Variants in CALCR observed in about 807,000 individuals in gnomAD.
CALCR encodes calcitonin receptor.
A neutral mutation model predicts 59.5 loss-of-function variants in CALCR; 47 were observed. That is an observed-to-expected ratio of 0.79 (90% confidence interval 0.63 to 1.01). CALCR has a LOEUF of 1.01. Among genes scored for constraint, CALCR ranks in the 50% least tolerant of loss-of-function variants. The pLI, the probability that CALCR is intolerant of heterozygous loss-of-function variation, is 0.00. For synonymous variants in CALCR, 213 were observed against 211.3 expected (o/e 1.01, Z -0.07); for missense variants, 566 against 597.1 (o/e 0.95, Z 0.54).
intron 8 of CALCR, among the ~76,000 whole-genome samples, chr7:93,445,258 T>C (rs1434161666): frequency 6.6e-6 from 1 of 152,148 alleles, no homozygotes; most frequent in Non-Finnish European, 1.5e-5. Flanking sequence ...GTTAGTTTTG[T>C]ATTTTCTAAG....
chr7:93,430,181 C>T (rs1408973504), intron 13 of CALCR, among the ~76,000 whole-genome samples: 2 of 152,012 alleles, frequency 1.3e-5, no homozygotes, highest in East Asian at 1.9e-4. Context: ...GTGATCCAGC[C>T]GCCTTGGCCT....
Position 93,515,883 on chromosome 7 carries a change from A to G in CALCR, c.-26-28876T>C, listed in dbSNP as rs192464535. Among the ~76,000 whole-genome samples, 602 of 152,096 alleles carry G rather than the reference A, an allele frequency of 4.0e-3. 4 individuals are homozygous for G. The highest frequency in any genetic ancestry group is 0.027 in the Middle Eastern group (8 of 294). On this transcript the variant is annotated intron_variant, in intron 2 of 13. Transcript: ENST00000426151. ...ATTTTGCTTTTATCTCTTTATTTTT[A>G]TTTCAATGTTTCCACAAGACTGATA...
intron 2 of CALCR, among the ~76,000 whole-genome samples, chr7:93,513,063 A>G (rs1801580478): frequency 6.6e-6 from 1 of 152,194 alleles, no homozygotes; most frequent in South Asian, 2.1e-4. Context: ...TTGCCCAAAT[A>G]CAGACACAGA....
chr7:93,463,342 T>C (rs1800377796), intron 7 of CALCR, among the ~76,000 whole-genome samples: 2 of 151,808 alleles, frequency 1.3e-5, no homozygotes, highest in African/African-American at 4.8e-5. Flanking sequence ...ACAGAGAAAA[T>C]GATAGTTTAA....
chr7:93,478,873 G>A (rs1452892444), intron 4 of CALCR, among the ~76,000 whole-genome samples: 1 of 151,744 alleles, frequency 6.6e-6, no homozygotes, highest in African/African-American at 2.4e-5. Flanking sequence ...CTGGCTAGGA[G>A]GTACCTTTTT....
intron 2 of CALCR, among the ~76,000 whole-genome samples, chr7:93,539,726 G>C (rs574262879): frequency 6.6e-6 from 1 of 152,250 alleles, no homozygotes; most frequent in East Asian, 1.9e-4. Context: ...AATGGGGAAA[G>C]GCAGAGCATT....
chr7:93,436,835 C>T lies in CALCR; in HGVS notation c.931-665G>A, dbSNP rs1274605640. Among the ~76,000 whole-genome samples the T allele has an allele frequency of 2.0e-5, 3 of 152,214 alleles. No individual in the cohort carries two copies. In the East Asian group the frequency reaches 5.8e-4, roughly 29 times the overall value. On this transcript the variant is annotated intron_variant, in intron 11 of 13. Transcript: ENST00000426151. ...GGAAGGAATCAGAATTTACTTTTTC[C>T]CCACACATATGCAGTTGCTAAATAC... is the stretch of plus-strand genomic sequence containing the variant.
intron 7 of CALCR, among the ~76,000 whole-genome samples, chr7:93,461,449 C>T (rs1800334915): frequency 1.3e-5 from 2 of 152,100 alleles, no homozygotes; most frequent in Non-Finnish European, 2.9e-5. Flanking sequence ...CTCCTGGCAT[C>T]CTCCTCTTCC....
intron 9 of CALCR, among the ~76,000 whole-genome samples, chr7:93,438,959 C>T (rs963331234): frequency 1.3e-5 from 2 of 151,422 alleles, no homozygotes; most frequent in African/African-American, 2.4e-5. Flanking sequence ...TATTGCAATA[C>T]GTCCTTCCAG....
intron 2 of CALCR, among the ~76,000 whole-genome samples, chr7:93,535,787 A>AC (rs1788969487): frequency 6.6e-6 from 1 of 151,740 alleles, no homozygotes; most frequent in African/African-American, 2.4e-5. Flanking sequence ...AGAGATGGTG[A>AC]TGACTTCTGT....
At chr7:93,439,462 T>C (rs529367656) in intron 9 of CALCR, among the ~76,000 whole-genome samples, 1 of 152,252 alleles carries the variant, frequency 6.6e-6, no homozygotes, top group Admixed American at 6.5e-5. Context: ...GAAAACTGAA[T>C]CCCACCTCAT....
intron 2 of CALCR, among the ~76,000 whole-genome samples, chr7:93,545,770 C>G (rs1009231791): frequency 1.2e-4 from 18 of 152,158 alleles, no homozygotes; most frequent in African/African-American, 3.9e-4. Context: ...ATGGGATCGA[C>G]CTCATATCAC....
chr7:93,510,767 C>A (rs984068973), intron 2 of CALCR, among the ~76,000 whole-genome samples: 1 of 151,872 alleles, frequency 6.6e-6, no homozygotes, highest in East Asian at 1.9e-4. Flanking sequence ...GAGGCCAAGG[C>A]GGGAGGATTG....
At chr7:93,528,712 C>T (rs550405587) in intron 2 of CALCR, among the ~76,000 whole-genome samples, 1 of 152,056 alleles carries the variant, frequency 6.6e-6, no homozygotes, top group Non-Finnish European at 1.5e-5. Flanking sequence ...ATCATGTAGC[C>T]TTTAAAGAAT....
chr7:93,493,333 C>G (rs1485930981), intron 2 of CALCR, among the ~76,000 whole-genome samples: 1 of 151,374 alleles, frequency 6.6e-6, no homozygotes, highest in East Asian at 1.9e-4. Flanking sequence ...TCTTGCATTT[C>G]TCATATCAGT....
At chr7:93,538,448 T>G (rs1232574307) in intron 2 of CALCR, among the ~76,000 whole-genome samples, 1 of 152,052 alleles carries the variant, frequency 6.6e-6, no homozygotes, top group Non-Finnish European at 1.5e-5. Flanking sequence ...ATTTTTAGTT[T>G]TTGGAATTAT....
At chr7:93,492,666 C>T (rs10277925) in intron 2 of CALCR, among the ~76,000 whole-genome samples, 7,420 of 151,338 alleles carry the variant, frequency 0.049, 628 homozygotes, top group African/African-American at 0.17. Flanking sequence ...AGAAGTTGAG[C>T]ATCTGAGTGG....
At chr7:93,563,729 G>A (rs1399472631) in intron 2 of CALCR, among the ~76,000 whole-genome samples, 1 of 152,128 alleles carries the variant, frequency 6.6e-6, no homozygotes, top group African/African-American at 2.4e-5. Flanking sequence ...ATATCCTAAC[G>A]ACAGAGCTTT....
At chr7:93,531,106 T>A (rs1419403731) in intron 2 of CALCR, among the ~76,000 whole-genome samples, 1 of 152,088 alleles carries the variant, frequency 6.6e-6, no homozygotes, top group African/African-American at 2.4e-5. Flanking sequence ...AGTTAAATTA[T>A]TATTATAGTT....
Sources: allele counts gnomAD v4.1 joint callset (sites outside exome capture counted in the v4.1 genomes callset), GRCh38; gene constraint gnomAD v4.1.1; transcripts MANE v1.5; gene names NCBI Gene and HGNC (gene_info 2026-07-23, HGNC 2026-07-21).